Variants in EDA observed in about 807,000 individuals in gnomAD.
EDA encodes ectodysplasin A.
A neutral mutation model predicts 23.6 loss-of-function variants in EDA; 2 were observed. That is an observed-to-expected ratio of 0.08 (90% CI 0.03 to 0.27). EDA has a LOEUF of 0.27. EDA is among the 10% of genes least tolerant of loss of function. The pLI, the probability that EDA is intolerant of heterozygous loss-of-function variation, is 1.00. For synonymous variants in EDA, 131 were observed against 132.0 expected (o/e 0.99, Z 0.05); for missense variants, 229 against 324.2 (o/e 0.71, Z 2.26).
intron 1 of EDA, among the ~76,000 whole-genome samples, chrX:69,791,830 G>A (rs2147472335): frequency 9.0e-6 from 1 of 111,475 alleles, no homozygotes; most frequent in South Asian, 3.8e-4. Context: ...TTTTAGTAGA[G>A]ACGGGGTTTC....
At chrX:69,789,631 A>G (rs1470576389) in intron 1 of EDA, among the ~76,000 whole-genome samples, 4 of 111,813 alleles carry the variant, frequency 3.6e-5, no homozygotes, top group Non-Finnish European at 7.5e-5. Context: ...GTACCCTCTC[A>G]CAAGTATTCC....
intron 1 of EDA, among the ~76,000 whole-genome samples, chrX:69,922,704 C>A (rs191948326): frequency 2.7e-4 from 30 of 111,703 alleles, no homozygotes; most frequent in African/African-American, 9.7e-4. Context: ...ATTCAGGCTG[C>A]TACCTTTTTA....
At chrX:69,710,861 G>A (rs2011985582) in intron 1 of EDA, among the ~76,000 whole-genome samples, 1 of 112,062 alleles carries the variant, frequency 8.9e-6, no homozygotes, top group African/African-American at 3.2e-5. Context: ...AGACTTTGCT[G>A]AAGTTGCCTA....
At chrX:69,694,806 T>C (rs1446056023) in intron 1 of EDA, among the ~76,000 whole-genome samples, 1 of 112,196 alleles carries the variant, frequency 8.9e-6, no homozygotes, top group East Asian at 2.8e-4. Flanking sequence ...AACACATCCA[T>C]GCAAATATAA....
chrX:69,983,912 C>T, intron 2 of EDA, among the ~76,000 whole-genome samples: 1 of 108,005 alleles, frequency 9.3e-6, no homozygotes, highest in Non-Finnish European at 1.9e-5. Flanking sequence ...GAAATTATAA[C>T]AAACTATCTC....
chrX:69,949,709 T>C (rs1485234714), intron 1 of EDA, among the ~76,000 whole-genome samples: 1 of 111,930 alleles, frequency 8.9e-6, no homozygotes, highest in East Asian at 2.8e-4. Context: ...TAGTCCGCTC[T>C]CTGGTTTAAG....
intron 1 of EDA, among the ~76,000 whole-genome samples, chrX:69,867,192 A>G (rs1199557768): frequency 1.8e-5 from 2 of 111,864 alleles, no homozygotes; most frequent in Non-Finnish European, 3.8e-5. Context: ...GAACCCATGC[A>G]TAACCTCCAT....
chrX:69,625,860 T>G (rs1217029875), intron 1 of EDA, among the ~76,000 whole-genome samples: 1 of 108,379 alleles, frequency 9.2e-6, no homozygotes, highest in Non-Finnish European at 1.9e-5. Flanking sequence ...AAGAAAACCT[T>G]GAAAAATGAA....
intron 1 of EDA, among the ~76,000 whole-genome samples, chrX:69,754,206 A>C (rs1428257502): frequency 2.7e-5 from 3 of 111,860 alleles, no homozygotes; most frequent in African/African-American, 9.8e-5. Context: ...AGTGGCTGGT[A>C]CTGGTTGTTC....
intron 1 of EDA, among the ~76,000 whole-genome samples, chrX:69,802,548 C>T (rs1010962659): frequency 9.1e-6 from 1 of 110,434 alleles, no homozygotes; most frequent in Admixed American, 9.7e-5. Context: ...ATTCTTTGTG[C>T]CTTTTTATAA....
intron 1 of EDA, among the ~76,000 whole-genome samples, chrX:69,741,365 A>G (rs908355149): frequency 9.0e-6 from 1 of 111,448 alleles, no homozygotes; most frequent in African/African-American, 3.3e-5. Flanking sequence ...ATTTGTTGTT[A>G]TTGTTTGCTA....
At chrX:69,795,380 TTAAAA>T (rs2015516873) in intron 1 of EDA, among the ~76,000 whole-genome samples, 1 of 112,692 alleles carries the variant, frequency 8.9e-6, no homozygotes, top group African/African-American at 3.2e-5. Context: ...ATTTTTCTTC[TTAAAA>T]TAAACATAAT....
intron 1 of EDA, among the ~76,000 whole-genome samples, chrX:69,629,924 C>T (rs943198201): frequency 6.3e-5 from 7 of 111,492 alleles, no homozygotes; most frequent in Admixed American, 9.5e-5. Context: ...ACGAGAGGCT[C>T]CATACCCAAG....
chrX:69,640,208 G>A lies in EDA; in HGVS notation c.396+23504G>A, dbSNP rs1038672677. On this transcript the variant is annotated intron_variant, in intron 1 of 7. Coordinates refer to ENST00000374552, the MANE Select transcript of EDA (RefSeq NM_001399.5). ...CCATGATAGAAAGTAAGCTTCATGA[G>A]GGCTGACATTTTTGTACCTTTTGTT... Among the ~76,000 whole-genome samples the A allele has an allele frequency of 6.0e-4, 67 of 111,325 alleles. 1 individual carries two copies. The highest frequency in any genetic ancestry group is 1.7e-3 in the Admixed American group (18 of 10,409).
intron 1 of EDA, among the ~76,000 whole-genome samples, chrX:69,884,040 G>C (rs1351739689): frequency 9.0e-6 from 1 of 111,017 alleles, no homozygotes; most frequent in African/African-American, 3.3e-5. Flanking sequence ...TTCCAGGCTG[G>C]GCAATAGAGC....
chrX:69,629,381 G>C (rs1005207511), intron 1 of EDA, among the ~76,000 whole-genome samples: 2 of 111,924 alleles, frequency 1.8e-5, no homozygotes, highest in African/African-American at 6.5e-5. Context: ...TCAGCACTGT[G>C]CTGTGTTGTA....
At chrX:69,650,926 G>A (rs1933085746) in intron 1 of EDA, among the ~76,000 whole-genome samples, 1 of 111,141 alleles carries the variant, frequency 9.0e-6, no homozygotes, top group Non-Finnish European at 1.9e-5. Context: ...AAGGAAGAGC[G>A]TGGGATGTTG....
chrX:69,767,246 C>A (rs916630265), intron 1 of EDA, among the ~76,000 whole-genome samples: 4 of 111,317 alleles, frequency 3.6e-5, no homozygotes, highest in Non-Finnish European at 1.9e-5. Flanking sequence ...TATTGACATA[C>A]AATTAAGTAC....
chrX:69,831,662 G>T (rs1166784400), intron 1 of EDA, among the ~76,000 whole-genome samples: 3 of 112,316 alleles, frequency 2.7e-5, no homozygotes, highest in African/African-American at 9.7e-5. Context: ...GAACTAATTT[G>T]CATTCCCACC....
Sources: allele counts gnomAD v4.1 joint callset (sites outside exome capture counted in the v4.1 genomes callset), GRCh38; gene constraint gnomAD v4.1.1; transcripts MANE v1.5; gene names NCBI Gene and HGNC (gene_info 2026-07-23, HGNC 2026-07-21).